Variants in ACVRL1 observed in about 807,000 individuals in gnomAD.
The protein encoded by ACVRL1 is activin A receptor like type 1.
Under a neutral mutation model 51.9 loss-of-function variants are expected in ACVRL1, and 20 were observed. The ratio of observed to expected loss-of-function variants is 0.39; its 90% CI spans 0.27 to 0.56. ACVRL1 has a LOEUF of 0.56. ACVRL1 is among the 20% of genes least tolerant of loss of function. The pLI is 0.67. For synonymous variants in ACVRL1, 288 were observed against 280.9 expected (o/e 1.03, Z -0.25); for missense variants, 451 against 670.3 (o/e 0.67, Z 3.61).
chr12:51,914,584 A>G lies in ACVRL1; in HGVS notation c.771A>G (p.Leu257=). Residue 257 remains leucine (L), a splice_region_variant and synonymous_variant, in exon 6 of 10, where the codon CTA becomes CTG. Transcript: ENST00000388922. Reference sequence around the variant, plus strand: ...TGTTGCTCAGACACGACAACATCCTAGGCAAGGGGAGAGGCCAGCTGTGCC... The same window carrying G: ...TGTTGCTCAGACACGACAACATCCTGGGCAAGGGGAGAGGCCAGCTGTGCC... The part of the protein sequence containing the change: ...NTVLLRHDNI[L]GFIASDMTSR... 6.2e-7 allele frequency: 1 copy of G among 1,611,602 alleles called. No homozygotes were observed. The highest frequency in any genetic ancestry group is 8.5e-7 in the Non-Finnish European group (1 of 1,178,856).
At position 51,915,340 on chromosome 12, in the gene ACVRL1, C is replaced by G. The variant is rs776879586; in HGVS notation, c.888C>G (p.Pro296=). 5 of 1,614,198 alleles carry G rather than the reference C, an allele frequency of 3.1e-6. No individual in the cohort carries two copies. Among genetic ancestry groups the G allele is most frequent in the Middle Eastern group, 1.6e-4 (1 of 6,062 alleles). ...YDFLQRQTLE[P]HLALRLAVSA... ...TTCTGCAGAGACAGACGCTGGAGCC[C>G]CATCTGGCTCTGAGGCTAGCTGTGT... Residue 296 remains proline (P), a synonymous_variant, in exon 7 of 10, where the codon CCC becomes CCG. Transcript: ENST00000388922.
intron 3 of ACVRL1, 77 bp from the exon 4 acceptor site, chr12:51,913,482 A>G: frequency 2.6e-6 from 4 of 1,537,646 alleles, no homozygotes; most frequent in Non-Finnish European, 3.5e-6. Flanking sequence ...TCTGGGATCT[A>G]ACTGGCAGAG....
chr12:51,913,833 AG>A (rs1940759273), intron 4 of ACVRL1, 63 bp downstream of exon 4: 1 of 1,593,488 alleles, frequency 6.3e-7, no homozygotes, highest in South Asian at 1.1e-5. Context: ...GCAGAATCAG[AG>A]GGGTCACCCA....
At chr12:51,918,542 A>G (rs1461870680) in intron 8 of ACVRL1, among the ~76,000 whole-genome samples, 1 of 152,146 alleles carries the variant, frequency 6.6e-6, no homozygotes, top group East Asian at 1.9e-4. Context: ...GGGGCCTGGG[A>G]GCAGTCCCGG....
At chr12:51,909,792 C>G (rs944973578) in intron 1 of ACVRL1, among the ~76,000 whole-genome samples, 1 of 152,222 alleles carries the variant, frequency 6.6e-6, no homozygotes, top group Non-Finnish European at 1.5e-5. Flanking sequence ...ATCAGATAAA[C>G]CATTCAAGTT....
rs1281130839 is a variant in ACVRL1, at chr12:51,917,701, G to A, written c.1247-1284G>A. 1.3e-5 allele frequency among the ~76,000 whole-genome samples: 2 copies of A among 152,186 alleles called. No homozygotes were observed. Among genetic ancestry groups the A allele is most frequent in the African/African-American group, 2.4e-5 (1 of 41,444 alleles). ...GGTCCCTTGGGGAGACTCACGAGGT[G>A]CTTAGATTCCTCAAGACTCCGGGCA... On this transcript the variant is annotated intron_variant, in intron 8 of 9. Coordinates refer to ENST00000388922, the MANE Select transcript of ACVRL1 (RefSeq NM_000020.3). The surrounding 1 kb of genome is among the most constrained non-coding windows in gnomAD (Gnocchi z 4.2).
Position 51,922,141 on chromosome 12 carries a change from C to G in ACVRL1, c.*1248C>G, listed in dbSNP as rs948848929. On this transcript the variant is annotated 3_prime_UTR_variant, in exon 10 of 10. Coordinates refer to ENST00000388922, the MANE Select transcript of ACVRL1 (RefSeq NM_000020.3). ...CAGCCTATATCACAGCTAACTTCTT[C>G]AGTCTCATCTATTCCTTATGCTCCA... 10 of 152,228 alleles carry G rather than the reference C, an allele frequency of 6.6e-5. No individual in the cohort carries two copies. The highest frequency in any genetic ancestry group is 1.2e-4 in the Non-Finnish European group (8 of 68,054). The allele number at this position is 152,228 out of a possible 1,614,324, so 9.4% of individuals were successfully genotyped here. A position where few individuals can be genotyped will look rare whatever the true frequency, so the allele number is the denominator to read the frequency against.
chr12:51,922,571 T>C lies in ACVRL1; in HGVS notation c.*1678T>C, dbSNP rs1941009388. 1 of 152,364 alleles carries C rather than the reference T, an allele frequency of 6.6e-6. No homozygotes were observed. Among genetic ancestry groups the C allele is most frequent in the Admixed American group, 6.5e-5 (1 of 15,280 alleles). The allele number at this position is 152,364 out of a possible 1,614,324, so 9.4% of individuals were successfully genotyped here. On this transcript the variant is annotated 3_prime_UTR_variant, in exon 10 of 10. Transcript: ENST00000388922. ...GGCATTTGGAAATTTCAAGGATGTA[T>C]GTATGCTCACGTATGGAGCAGGTTG... is the stretch of plus-strand genomic sequence containing the variant.
chr12:51,908,032 C>T (rs1488681577), intron 1 of ACVRL1, among the ~76,000 whole-genome samples: 1 of 152,192 alleles, frequency 6.6e-6, no homozygotes, highest in East Asian at 1.9e-4. Flanking sequence ...GAAGGGATCA[C>T]ACGTCCTCCA....
chr12:51,916,648 C>T (rs1328897999), intron 8 of ACVRL1, among the ~76,000 whole-genome samples: 2 of 152,204 alleles, frequency 1.3e-5, no homozygotes, highest in South Asian at 4.1e-4. Flanking sequence ...CATGACCGTG[C>T]GTAGGTTATT....
In ACVRL1 at chr12:51,920,354, A is replaced by G. The variant is rs813471; in HGVS notation, c.1378-405A>G. ...AGGCTTGAAGAATCGGCCCCTTCCT[A>G]TGGATCTTGGCAAAGGTGGGGATGG... On this transcript the variant is annotated intron_variant, in intron 9 of 9. Coordinates refer to ENST00000388922, the MANE Select transcript of ACVRL1 (RefSeq NM_000020.3). Among the ~76,000 whole-genome samples the G allele has an allele frequency of 0.31, 47,747 of 152,026 alleles. 8,507 individuals carry two copies. The highest frequency in any genetic ancestry group is 0.49 in the African/African-American group (20,454 of 41,418).
chr12:51,915,374 T>C lies in ACVRL1; in HGVS notation c.922T>C (p.Cys308Arg). The C allele has an allele frequency of 6.2e-7, 1 of 1,614,038 alleles. No homozygotes were observed. The highest frequency in any genetic ancestry group is 1.1e-5 in the South Asian group (1 of 91,088). Residue 308 changes from cysteine (C) to arginine (R), a missense_variant, in exon 7 of 10, where the codon TGC becomes CGC. By Grantham distance (180) the Cys-to-Arg change is radical (BLOSUM62 -3). Transcript: ENST00000388922. ...LALRLAVSAA[C>R]GLAHLHVEIF... ...TCTGAGGCTAGCTGTGTCCGCGGCA[T>C]GCGGCCTGGCGCACCTGCACGTGGA...
chr12:51,914,263 G>A (rs995966103), intron 5 of ACVRL1, among the ~76,000 whole-genome samples, 176 bp from the exon 6 acceptor site: 3 of 152,132 alleles, frequency 2.0e-5, no homozygotes, highest in Admixed American at 1.3e-4. Flanking sequence ...GGGGTGGAAC[G>A]AGAGGCAGCT....
In ACVRL1 at chr12:51,913,100, A is replaced by T; in HGVS notation, c.63A>T (p.Gly21=). 1 of 1,603,124 alleles carries T rather than the reference A, an allele frequency of 6.2e-7. No homozygotes were observed. The highest frequency in any genetic ancestry group is 8.5e-7 in the Non-Finnish European group (1 of 1,179,050). Residue 21 remains glycine, a splice_region_variant and synonymous_variant, in exon 3 of 10, where the codon GGA becomes GGT. Coordinates refer to ENST00000388922, the MANE Select transcript of ACVRL1 (RefSeq NM_000020.3). ...CTGAGCTTCCGGTGTGTCTTCCAGG[A>T]GACCCTGTGAAGCCGTCTCGGGGCC... is the stretch of plus-strand genomic sequence containing the variant. The part of the protein sequence containing the change: ...LMLLMALVTQ[G]DPVKPSRGPL...
chr12:51,914,710 C>T (rs1347290552), intron 6 of ACVRL1, 125 bp downstream of exon 6: 1 of 545,688 alleles, frequency 1.8e-6, no homozygotes. Context: ...CAGCATCAAC[C>T]TCTTTTTTTA....
intron 8 of ACVRL1, 112 bp downstream of exon 8, chr12:51,916,345 G>A (rs895667558): frequency 1.1e-5 from 13 of 1,177,190 alleles, no homozygotes; most frequent in Middle Eastern, 5.1e-4. Flanking sequence ...AGACCTCCTG[G>A]CACCCCTTCC....
rs1592222308 is a variant in ACVRL1, at chr12:51,913,579, C to T, written c.334C>T (p.Gln112Ter). The change falls in exon 4 of 10, where the codon CAG becomes TAG. Residue 112 changes from glutamine (Q) to a stop codon, truncating the protein, a stop_gained. Transcript: ENST00000388922. LOFTEE classifies it high-confidence loss of function. Reference protein sequence around the residue: ...VLEATQPPSEQPGTDGQLALI... With the variant: ...VLEATQPPSE The stretch of plus-strand genomic sequence containing the variant: ...CTCAGCCACCCAACCTCCTTCGGAG[C>T]AGCCGGGAACAGATGGCCAGCTGGC... The T allele has an allele frequency of 6.3e-7, 1 of 1,598,922 alleles. No homozygotes were observed. The highest frequency in any genetic ancestry group is 8.5e-7 in the Non-Finnish European group (1 of 1,179,780).
rs1940778471 is a variant in ACVRL1 at position 51,914,387 on chromosome 12, CA to C, written c.626-51del. On this transcript the variant is annotated intron_variant, in intron 5 of 9. Coordinates refer to ENST00000388922, the MANE Select transcript of ACVRL1 (RefSeq NM_000020.3). ...GCAGCATCAAGATGGGGGGCTCTTC[CA>C]GGGCTCTGTGTGCCCAGTGTGTAAC... The C allele has an allele frequency of 3.1e-6, 5 of 1,612,848 alleles. No homozygotes were observed. The Admixed American group carries it at 8.3e-5, about 27-fold the overall frequency.
rs911791104 is a variant in ACVRL1, at chr12:51,915,232, C to T, written c.780C>T (p.Ile260=). The T allele has an allele frequency of 1.9e-6, 3 of 1,613,834 alleles. No homozygotes were observed. Among genetic ancestry groups the T allele is most frequent in the African/African-American group, 1.3e-5 (1 of 74,924 alleles). ...LLRHDNILGF[I]ASDMTSRNSS... is the part of the protein sequence containing the mutation. The stretch of plus-strand genomic sequence containing the variant: ...CAACCTTTCTGCACACAGGCTTCAT[C>T]GCCTCAGACATGACCTCCCGCAACT... The change falls in exon 7 of 10, where the codon ATC becomes ATT. Residue 260 remains isoleucine (I), a synonymous_variant. Transcript: ENST00000388922.
Sources: allele counts gnomAD v4.1 joint callset (sites outside exome capture counted in the v4.1 genomes callset), GRCh38; gene constraint gnomAD v4.1.1; non-coding constraint Gnocchi (gnomAD v3.1); transcripts MANE v1.5; gene names NCBI Gene and HGNC (gene_info 2026-07-23, HGNC 2026-07-21).